Variants in EIF3E observed in about 807,000 individuals in gnomAD.
EIF3E encodes the protein eIF-3 p48.
In EIF3E, 25 loss-of-function variants were observed where a neutral mutation model predicts 59.3. That is an observed-to-expected ratio of 0.42 (90% CI 0.31 to 0.59). EIF3E has a LOEUF of 0.59. Among genes scored for constraint, EIF3E ranks in the 20% least tolerant of loss-of-function variants. The pLI is 0.15. For missense variants in EIF3E, 317 were observed against 534.3 expected (o/e 0.59, Z 4.01); for synonymous variants, 176 against 170.2 (o/e 1.03, Z -0.26).
intron 9 of EIF3E, among the ~76,000 whole-genome samples, chr8:108,215,891 A>C (rs1399850314): frequency 1.3e-5 from 2 of 152,178 alleles, no homozygotes; most frequent in Non-Finnish European, 2.9e-5. Context: ...ATTTCTACTA[A>C]ACAATAAGAG....
chr8:108,242,625 G>GA (rs1307349106), intron 1 of EIF3E: 2 of 1,166,216 alleles, frequency 1.7e-6, no homozygotes, highest in Non-Finnish European at 2.1e-6. Flanking sequence ...AAAAAATAAA[G>GA]ATGAAGGTGG....
chr8:108,246,290 G>GC (rs1815947685), intron 1 of EIF3E, among the ~76,000 whole-genome samples: 1 of 149,572 alleles, frequency 6.7e-6, no homozygotes, highest in Admixed American at 6.7e-5. Context: ...GGTGTGGGGG[G>GC]GGGGGGCTGC....
chr8:108,228,414 C>T (rs1482879620), intron 6 of EIF3E, 23 bp from the exon 7 acceptor site: 3 of 1,443,414 alleles, frequency 2.1e-6, no homozygotes, highest in East Asian at 2.6e-5. Context: ...AAAATATATA[C>T]ATAAAAAATA....
At chr8:108,220,416 C>T (rs551814148) in intron 7 of EIF3E, among the ~76,000 whole-genome samples, 32 of 152,310 alleles carry the variant, frequency 2.1e-4, no homozygotes, top group African/African-American at 7.7e-4. Flanking sequence ...CTTGGAAATG[C>T]ATCTGCTACA....
At chr8:108,239,922 G>C (rs766812548) in intron 3 of EIF3E, 36 bp downstream of exon 3, 16 of 1,495,460 alleles carry the variant, frequency 1.1e-5, no homozygotes, top group Non-Finnish European at 1.4e-5. Context: ...ATCCAGAAAG[G>C]AGAATTTTTA....
At chr8:108,203,225 G>A (rs956001795) in intron 11 of EIF3E, 108 bp from the exon 12 acceptor site, 1 of 895,574 alleles carries the variant, frequency 1.1e-6, no homozygotes, top group African/African-American at 1.7e-5. Flanking sequence ...ACTGTATAGA[G>A]ATGACAATAT....
At chr8:108,248,504 T>A in intron 1 of EIF3E, 109 bp downstream of exon 1, 2 of 1,082,916 alleles carry the variant, frequency 1.8e-6, no homozygotes, top group South Asian at 1.5e-5. Context: ...GGAACCAAAC[T>A]CGCGACCGCC....
chr8:108,210,418 A>G (rs1026903446), intron 10 of EIF3E, among the ~76,000 whole-genome samples: 3 of 152,208 alleles, frequency 2.0e-5, no homozygotes, highest in African/African-American at 7.2e-5. Flanking sequence ...ATTTCAATGT[A>G]CAACTAGGTT....
intron 7 of EIF3E, among the ~76,000 whole-genome samples, chr8:108,220,040 G>C (rs905928374): frequency 1.4e-4 from 21 of 152,040 alleles, no homozygotes; most frequent in African/African-American, 5.1e-4. Flanking sequence ...CTACTCAGGA[G>C]GCTGAGGCAA....
At chr8:108,218,795 T>TC (rs1815352272) in intron 7 of EIF3E, among the ~76,000 whole-genome samples, 1 of 147,682 alleles carries the variant, frequency 6.8e-6, no homozygotes, top group Admixed American at 6.7e-5. Context: ...TTTTTTTTTT[T>TC]TTTTTTGAGA....
chr8:108,240,105 T>C (rs372097847), intron 2 of EIF3E, 30 bp from the exon 3 acceptor site: 5 of 1,527,226 alleles, frequency 3.3e-6, no homozygotes, highest in Non-Finnish European at 4.5e-6. Context: ...AGCACTACAA[T>C]GTTAAGGAAT....
At chr8:108,204,464 C>G (rs1362333330) in intron 10 of EIF3E, among the ~76,000 whole-genome samples, 2 of 151,860 alleles carry the variant, frequency 1.3e-5, no homozygotes, top group Non-Finnish European at 2.9e-5. Context: ...AAACCAAAAA[C>G]CTTATGTTCT....
At chr8:108,225,712 C>T (rs1815504001) in intron 7 of EIF3E, among the ~76,000 whole-genome samples, 1 of 151,426 alleles carries the variant, frequency 6.6e-6, no homozygotes, top group Admixed American at 6.6e-5. Flanking sequence ...TAAAACACAC[C>T]TTTCTTTTCC....
At position 108,201,581 on chromosome 8, in the gene EIF3E, T is replaced by A; in HGVS notation, c.*304A>T. On this transcript the variant is annotated 3_prime_UTR_variant, in exon 13 of 13. Coordinates refer to ENST00000220849, the MANE Select transcript of EIF3E (RefSeq NM_001568.3). The stretch of plus-strand genomic sequence containing the variant: ...ACCAATGTCAACATCCTGGTTTTGA[T>A]ACTGTACCATAGTAAGACAAAGTGA... 5.1e-6 allele frequency: 1 copy of A among 194,772 alleles called. No individual in the cohort carries two copies. The highest frequency in any genetic ancestry group is 1.0e-5 in the Non-Finnish European group (1 of 95,686). The allele number at this position is 194,772 out of a possible 1,614,324, so 12.1% of individuals were successfully genotyped here. A position where few individuals can be genotyped will look rare whatever the true frequency, so the allele number is the denominator to read the frequency against.
At chr8:108,225,765 C>A (rs1443365288) in intron 7 of EIF3E, among the ~76,000 whole-genome samples, 4 of 151,400 alleles carry the variant, frequency 2.6e-5, no homozygotes, top group Admixed American at 2.6e-4. Context: ...ACAGTTAAAG[C>A]ACATCACAAC....
At chr8:108,236,553 G>A (rs554723643) in intron 3 of EIF3E, among the ~76,000 whole-genome samples, 31 of 152,242 alleles carry the variant, frequency 2.0e-4, no homozygotes, top group African/African-American at 7.5e-4. Flanking sequence ...AATCTACTGA[G>A]AATGGTTTTT....
At chr8:108,229,916 AG>A (rs1037431611) in intron 5 of EIF3E, among the ~76,000 whole-genome samples, 2 of 152,168 alleles carry the variant, frequency 1.3e-5, no homozygotes, top group African/African-American at 4.8e-5. Flanking sequence ...GAGGGGACTA[AG>A]GGCCATCCCT....
chr8:108,202,878 G>T, intron 12 of EIF3E, 105 bp downstream of exon 12: 1 of 1,320,366 alleles, frequency 7.6e-7, no homozygotes, highest in Non-Finnish European at 1.0e-6. Flanking sequence ...TATCTTTAAA[G>T]AGAAAAACAA....
In EIF3E at chr8:108,205,339, A is replaced by G. The variant is rs552229538; in HGVS notation, c.1062-1836T>C. Among the ~76,000 whole-genome samples the G allele has an allele frequency of 6.4e-4, 98 of 152,286 alleles. 1 individual carries two copies. Among genetic ancestry groups the G allele is most frequent in the Non-Finnish European group, 1.0e-3 (70 of 68,004 alleles). ...TGACTCCTCATACACAGGAGACGAT[A>G]AATATTTACTGTCTGATTGATTCTT... On this transcript the variant is annotated intron_variant, in intron 10 of 12. Coordinates refer to ENST00000220849, the MANE Select transcript of EIF3E (RefSeq NM_001568.3).
Sources: gnomAD v4.1 joint callset for allele counts (sites outside exome capture counted in the v4.1 genomes callset) on GRCh38, gnomAD v4.1.1 for gene constraint, MANE v1.5 for transcripts, NCBI Gene and HGNC (gene_info 2026-07-23, HGNC 2026-07-21) for gene names.